Variants in ATXN7L1 observed in about 807,000 individuals in gnomAD.
The protein encoded by ATXN7L1 is ataxin 7 like 1.
In ATXN7L1, 15 loss-of-function variants were observed where a neutral mutation model predicts 70.8. That is an observed-to-expected ratio of 0.21 (90% CI 0.14 to 0.33). The LOEUF is 0.33. Among genes scored for constraint, ATXN7L1 ranks in the 10% least tolerant of loss-of-function variants. The probability of loss-of-function intolerance (pLI) is 1.00; values close to 1 mark genes in which losing one functional copy is unlikely to be tolerated. For missense variants in ATXN7L1, 975 were observed against 1,097.1 expected, an observed-to-expected ratio of 0.89 and a Z score of 1.57; for synonymous variants, 440 against 445.1, an observed-to-expected ratio of 0.99 and a Z score of 0.14.
rs926520569 is a variant in ATXN7L1, at chr7:105,771,042, A to G, written c.355+17562T>C. On this transcript the variant is annotated intron_variant, in intron 3 of 11. Coordinates refer to ENST00000419735, the MANE Select transcript of ATXN7L1 (RefSeq NM_020725.2). ...TGGTGACATCCCGTCTCTACTAAAA[A>G]TACAAAAATCAGCTGGGTGTGGTGG... 7.9e-5 allele frequency among the ~76,000 whole-genome samples: 12 copies of G among 152,028 alleles called. 1 individual carries two copies. Among genetic ancestry groups the G allele is most frequent in the African/African-American group, 2.9e-4 (12 of 41,400 alleles).
At chr7:105,657,702 C>CA (rs71155465) in intron 4 of ATXN7L1, among the ~76,000 whole-genome samples, 2,074 of 25,940 alleles carry the variant, frequency 0.08, 332 homozygotes, top group African/African-American at 0.13. Flanking sequence ...GACCCTGTCT[C>CA]AAAAAAAAAA....
rs79799619 is a variant in ATXN7L1 at position 105,677,930 on chromosome 7, G to A, written c.356-12642C>T. 2,037 of 984,942 alleles carry A rather than the reference G, an allele frequency of 2.1e-3. 42 individuals carry two copies. In the African/African-American group the frequency reaches 0.033, roughly 16 times the overall value. The allele number at this position is 984,942 out of a possible 1,614,324, so 61.0% of individuals were successfully genotyped here. On this transcript the variant is annotated intron_variant, in intron 3 of 11. Coordinates refer to ENST00000419735, the MANE Select transcript of ATXN7L1 (RefSeq NM_020725.2). ...CACTCACTGCTAAGCTCATGGTGTC[G>A]CTCAGAGCCACTCACCCCACAGACT...
intron 3 of ATXN7L1, among the ~76,000 whole-genome samples, chr7:105,679,956 C>T (rs1444531499): frequency 1.3e-5 from 2 of 151,708 alleles, no homozygotes; most frequent in South Asian, 2.1e-4. Flanking sequence ...GTACGCTTTG[C>T]GCATCTTTAT....
intron 2 of ATXN7L1, among the ~76,000 whole-genome samples, chr7:105,849,296 C>T (rs752811411): frequency 2.6e-5 from 4 of 152,174 alleles, no homozygotes; most frequent in African/African-American, 9.7e-5. Flanking sequence ...GCCCAGAGTC[C>T]GTCCCTACGT....
intron 3 of ATXN7L1, among the ~76,000 whole-genome samples, chr7:105,774,526 T>C (rs1228862928): frequency 6.6e-6 from 1 of 152,032 alleles, no homozygotes; most frequent in Non-Finnish European, 1.5e-5. Context: ...TAATTTTTTG[T>C]ATTTTTAGTA....
intron 3 of ATXN7L1, among the ~76,000 whole-genome samples, chr7:105,700,962 G>C (rs2116234876): frequency 6.6e-6 from 1 of 152,312 alleles, no homozygotes. Context: ...GATTATAGGT[G>C]TTAGCTACTG....
At chr7:105,768,151 C>T (rs925777474) in intron 3 of ATXN7L1, among the ~76,000 whole-genome samples, 4 of 152,224 alleles carry the variant, frequency 2.6e-5, no homozygotes, top group Non-Finnish European at 5.9e-5. Flanking sequence ...TGCCTAACCT[C>T]ATTACACATT....
chr7:105,864,456 C>CAAAAAAA (rs34739253), intron 2 of ATXN7L1, among the ~76,000 whole-genome samples: 2 of 41,062 alleles, frequency 4.9e-5, no homozygotes, highest in Non-Finnish European at 7.9e-5. Context: ...GGCCCTGTCT[C>CAAAAAAA]AAAAAAAAAA....
At chr7:105,617,113 G>A (rs4727624) in intron 9 of ATXN7L1, among the ~76,000 whole-genome samples, 20,527 of 151,590 alleles carry the variant, frequency 0.14, 1,669 homozygotes, top group South Asian at 0.29. Flanking sequence ...TGCAGGCTCC[G>A]CCTCCCGGGT....
rs1478540716 is a variant in ATXN7L1, at chr7:105,605,562, A to G, written c.*2290T>C. The G allele has an allele frequency of 6.7e-6, 1 of 149,542 alleles. No individual in the cohort carries two copies. The highest frequency in any genetic ancestry group is 2.0e-4 in the East Asian group (1 of 5,078). 9.3% of individuals were successfully genotyped at this position (149,542 alleles called of 1,614,324 possible). A position where few individuals can be genotyped will look rare whatever the true frequency, so the allele number is the denominator to read the frequency against. ...TCTAAACCTATTGAATTGCTCCTTTAGTCCTTGAGACATTATTTCTCAGAA... is the reference window on the plus strand; with the variant it reads ...TCTAAACCTATTGAATTGCTCCTTTGGTCCTTGAGACATTATTTCTCAGAA... On this transcript the variant is annotated 3_prime_UTR_variant, in exon 12 of 12. Coordinates refer to ENST00000419735, the MANE Select transcript of ATXN7L1 (RefSeq NM_020725.2).
At chr7:105,741,939 C>G (rs764999355) in intron 3 of ATXN7L1, among the ~76,000 whole-genome samples, 2 of 152,212 alleles carry the variant, frequency 1.3e-5, no homozygotes, top group Non-Finnish European at 2.9e-5. Context: ...AGCAGATTCT[C>G]TCTCGCAGCC....
intron 3 of ATXN7L1, among the ~76,000 whole-genome samples, chr7:105,750,089 C>T (rs1230089999): frequency 6.6e-6 from 1 of 151,802 alleles, no homozygotes; most frequent in Non-Finnish European, 1.5e-5. Flanking sequence ...CATTTAAGTG[C>T]ACTTTGAACC....
intron 2 of ATXN7L1, among the ~76,000 whole-genome samples, chr7:105,824,069 C>T (rs981931979): frequency 1.3e-5 from 2 of 152,146 alleles, no homozygotes; most frequent in African/African-American, 2.4e-5. Context: ...ACTCTCATGG[C>T]GTGATGCCCT....
intron 2 of ATXN7L1, among the ~76,000 whole-genome samples, chr7:105,820,418 T>C (rs533085565): frequency 6.6e-6 from 1 of 152,180 alleles, no homozygotes; most frequent in Admixed American, 6.5e-5. Context: ...TGCTGGGCAG[T>C]GGGGTGAAGG....
Position 105,646,753 on chromosome 7 carries a change from G to A in ATXN7L1, c.579-3632C>T, listed in dbSNP as rs1178730640. 3.6e-5 allele frequency among the ~76,000 whole-genome samples: 5 copies of A among 139,024 alleles called. 1 individual carries two copies. The highest frequency in any genetic ancestry group is 4.8e-4 in the South Asian group (2 of 4,208). The allele number at this position is 139,024 out of a possible 152,430, so 91.2% of individuals were successfully genotyped here. A position where few individuals can be genotyped will look rare whatever the true frequency, so the allele number is the denominator to read the frequency against. ...ATTTGAGACCAGCCTGGACAACACC[G>A]TGAGACCATGTCTCTACAAAAAAAA... On this transcript the variant is annotated intron_variant, in intron 4 of 11. Transcript: ENST00000419735.
intron 2 of ATXN7L1, among the ~76,000 whole-genome samples, chr7:105,816,508 A>G (rs1431859791): frequency 6.6e-6 from 1 of 152,236 alleles, no homozygotes; most frequent in African/African-American, 2.4e-5. Context: ...TCAGATTCAG[A>G]ACCTATAAAT....
At chr7:105,715,189 A>T (rs1362287815) in intron 3 of ATXN7L1, among the ~76,000 whole-genome samples, 1 of 152,198 alleles carries the variant, frequency 6.6e-6, no homozygotes, top group Non-Finnish European at 1.5e-5. Flanking sequence ...TCAGAAAGAG[A>T]TCACGTGTGG....
At chr7:105,627,672 C>A (rs1795916420) in intron 7 of ATXN7L1, among the ~76,000 whole-genome samples, 1 of 151,730 alleles carries the variant, frequency 6.6e-6, no homozygotes, top group Non-Finnish European at 1.5e-5. Context: ...GCTGGGACTA[C>A]AGGTGTGCGC....
At chr7:105,820,126 CAAAAAAAAA>C (rs562797891) in intron 2 of ATXN7L1, 7,130 of 63,972 alleles carry the variant, frequency 0.11, 294 homozygotes, top group East Asian at 0.26. Context: ...GTTTATTCCT[CAAAAAAAAA>C]AAAAAAAAAA....
Sources: gnomAD v4.1 joint callset for allele counts (sites outside exome capture counted in the v4.1 genomes callset) on GRCh38, gnomAD v4.1.1 for gene constraint, MANE v1.5 for transcripts, NCBI Gene and HGNC (gene_info 2026-07-23, HGNC 2026-07-21) for gene names.